BPTF: variants seen among roughly 807,000 people sequenced by gnomAD.
The protein encoded by BPTF is nucleosome-remodeling factor subunit BPTF.
BPTF carries 18 observed loss-of-function variants against 292.5 expected under a neutral mutation model. The observed-to-expected ratio is 0.06, with a 90% CI of 0.04 to 0.09. BPTF has a LOEUF of 0.09. BPTF is among the 10% of genes least tolerant of loss of function. The pLI is 1.00. For synonymous variants in BPTF, 1,225 were observed against 1,251.9 expected (o/e 0.98, Z 0.45); for missense variants, 2,726 against 3,498.7 (o/e 0.78, Z 5.57).
intron 10 of BPTF, among the ~76,000 whole-genome samples, chr17:67,910,348 G>A (rs1401253796): frequency 2.0e-5 from 3 of 152,016 alleles, no homozygotes; most frequent in East Asian, 1.9e-4. Flanking sequence ...GTGGCCATGC[G>A]TTTTCACTTC....
intron 7 of BPTF, among the ~76,000 whole-genome samples, chr17:67,901,304 TA>T (rs68104231): frequency 0.12 from 17,333 of 141,042 alleles, 3,284 homozygotes; most frequent in African/African-American, 0.41. Context: ...GAAGAATTGT[TA>T]AAAAAAAAAA....
At chr17:67,976,951 A>C (rs183040822) in intron 27 of BPTF, among the ~76,000 whole-genome samples, 1 of 152,128 alleles carries the variant, frequency 6.6e-6, no homozygotes, top group Non-Finnish European at 1.5e-5. Context: ...TCACCCCTAC[A>C]TACATCGCTA....
At position 67,826,045 on chromosome 17, in the gene BPTF, C is replaced by A; in HGVS notation, c.321C>A (p.Gly107=). 1 of 1,178,314 alleles carries A rather than the reference C, an allele frequency of 8.5e-7. No homozygotes were observed. 73.0% of individuals were successfully genotyped at this position (1,178,314 alleles called of 1,614,324 possible). Residue 107 remains glycine, a synonymous_variant, in exon 1 of 28, where the codon GGC becomes GGA. Transcript: ENST00000306378. Reference sequence around the variant, plus strand: ...GCGGCAGGACGGGGGGCGGGGGCGGCGGCGGCCACCTGGCCCGGACCACCG... The same window carrying A: ...GCGGCAGGACGGGGGGCGGGGGCGGAGGCGGCCACCTGGCCCGGACCACCG... The part of the protein sequence containing the change: ...GGGGRTGGGG[G]GGHLARTTAA...
intron 7 of BPTF, 54 bp downstream of exon 7, chr17:67,894,219 A>T: frequency 1.3e-6 from 2 of 1,541,714 alleles, no homozygotes; most frequent in Non-Finnish European, 1.8e-6. Context: ...CTTTTGAAAT[A>T]CTAGCCTATT....
chr17:67,964,808 G>A (rs1228253359), intron 25 of BPTF, among the ~76,000 whole-genome samples: 23 of 151,696 alleles, frequency 1.5e-4, no homozygotes, highest in Non-Finnish European at 2.8e-4. Context: ...GACCATCCTG[G>A]CTAACACGGT....
At chr17:67,864,347 C>T (rs1407106256) in intron 2 of BPTF, among the ~76,000 whole-genome samples, 6 of 151,662 alleles carry the variant, frequency 4.0e-5, no homozygotes, top group African/African-American at 1.5e-4. Flanking sequence ...GCCAACATGG[C>T]GAAACCCTGT....
chr17:67,861,389 G>A (rs1412567183), intron 2 of BPTF, among the ~76,000 whole-genome samples: 2 of 147,696 alleles, frequency 1.4e-5, no homozygotes, highest in African/African-American at 5.0e-5. Flanking sequence ...GGACTGCAGT[G>A]GCCCAGTCTC....
At chr17:67,861,461 C>T (rs1302529457) in intron 2 of BPTF, among the ~76,000 whole-genome samples, 8 of 151,308 alleles carry the variant, frequency 5.3e-5, no homozygotes, top group East Asian at 2.0e-4. Context: ...GGATTACGGG[C>T]GGCCGCCACC....
chr17:67,896,192 G>C (rs1032954453), intron 7 of BPTF, among the ~76,000 whole-genome samples: 1 of 152,016 alleles, frequency 6.6e-6, no homozygotes, highest in Non-Finnish European at 1.5e-5. Context: ...TCCATCTCCT[G>C]ACCTTGTGAT....
chr17:67,897,866 T>C (rs929769106), intron 7 of BPTF, among the ~76,000 whole-genome samples: 16 of 152,262 alleles, frequency 1.1e-4, no homozygotes, highest in African/African-American at 3.8e-4. Flanking sequence ...TAAATAGAAA[T>C]AGACAAATAG....
intron 2 of BPTF, among the ~76,000 whole-genome samples, chr17:67,859,782 A>C (rs1374930159): frequency 1.3e-5 from 2 of 152,160 alleles, no homozygotes; most frequent in Admixed American, 6.5e-5. Flanking sequence ...GTTTTTAGAA[A>C]ATCTAAACTA....
At chr17:67,873,439 C>A (rs890231969) in intron 3 of BPTF, among the ~76,000 whole-genome samples, 18 of 129,728 alleles carry the variant, frequency 1.4e-4, no homozygotes, top group African/African-American at 2.9e-4. Flanking sequence ...GCCTGGGTGA[C>A]AAGAGCAAAA....
intron 26 of BPTF, among the ~76,000 whole-genome samples, chr17:67,967,898 T>C (rs1390636638): frequency 1.3e-5 from 2 of 151,240 alleles, no homozygotes; most frequent in African/African-American, 4.9e-5. Flanking sequence ...GAGTGGAGTA[T>C]TATGCAGCTT....
chr17:67,981,535 G>T, intron 27 of BPTF: 1 of 1,101,398 alleles, frequency 9.1e-7, no homozygotes, highest in Non-Finnish European at 1.1e-6. Context: ...ATTCAAAATT[G>T]CCCCCCAAAA....
At chr17:67,871,469 A>G (rs1675974541) in intron 3 of BPTF, among the ~76,000 whole-genome samples, 1 of 151,332 alleles carries the variant, frequency 6.6e-6, no homozygotes, top group Admixed American at 6.6e-5. Flanking sequence ...AAAATTATAC[A>G]GTAAATACTC....
At chr17:67,951,060 T>TAA (rs2066309402) in intron 23 of BPTF, 1 of 152,054 alleles carries the variant, frequency 6.6e-6, no homozygotes, top group South Asian at 2.1e-4. Flanking sequence ...CCACCCGCCT[T>TAA]AGTCTCCCAA....
rs377165734 is a variant in BPTF at position 67,947,749 on chromosome 17, A to T, written c.7641A>T (p.Val2547=). Residue 2547 remains valine, a synonymous_variant, in exon 22 of 28, where the codon GTA becomes GTT. Transcript: ENST00000306378. ...AGGTGGTGATGAAGCATAATGCTGT[A>T]ATAGAACATTTAAAACAGAAAAAGA... ...QKQVVMKHNA[V]IEHLKQKKSM... is the part of the protein sequence containing the mutation. The T allele has an allele frequency of 1.9e-6, 3 of 1,554,954 alleles. No homozygotes were observed. Among genetic ancestry groups the T allele is most frequent in the African/African-American group, 2.7e-5 (2 of 73,374 alleles).
chr17:67,972,204 T>C (rs2068840929), intron 26 of BPTF, among the ~76,000 whole-genome samples: 1 of 152,118 alleles, frequency 6.6e-6, no homozygotes, highest in African/African-American at 2.4e-5. Flanking sequence ...GATATTTGGA[T>C]TGTTATCAGT....
intron 1 of BPTF, among the ~76,000 whole-genome samples, chr17:67,835,910 C>T (rs1038076618): frequency 2.0e-5 from 3 of 151,878 alleles, no homozygotes; most frequent in African/African-American, 4.8e-5. Flanking sequence ...TGTGATCCGC[C>T]CACCTCAGCC....
Sources: gnomAD v4.1 joint callset for allele counts (sites outside exome capture counted in the v4.1 genomes callset) on GRCh38, gnomAD v4.1.1 for gene constraint, MANE v1.5 for transcripts, NCBI Gene and HGNC (gene_info 2026-07-23, HGNC 2026-07-21) for gene names.